The following RASGRF2 variants were observed in gnomAD, a reference collection of about 807,000 sequenced individuals.
The protein encoded by RASGRF2 is ras-specific guanine nucleotide-releasing factor 2.
Under a neutral mutation model 151.0 loss-of-function variants are expected in RASGRF2, and 76 were observed. The ratio of observed to expected loss-of-function variants is 0.50; its 90% CI spans 0.42 to 0.61. The LOEUF (loss-of-function observed/expected upper bound fraction) is 0.61, where lower values mean the gene tolerates loss of function less well. Among genes scored for constraint, RASGRF2 ranks in the 20% least tolerant of loss-of-function variants. The probability of loss-of-function intolerance (pLI) is 0.00; values close to 1 mark genes in which losing one functional copy is unlikely to be tolerated. For synonymous variants in RASGRF2, 504 were observed against 566.5 expected (o/e 0.89, Z 1.57); for missense variants, 1,148 against 1,564.6 (o/e 0.73, Z 4.49).
At chr5:81,010,044 T>G (rs958359233) in intron 1 of RASGRF2, among the ~76,000 whole-genome samples, 1 of 151,762 alleles carries the variant, frequency 6.6e-6, no homozygotes, top group Non-Finnish European at 1.5e-5. Flanking sequence ...TAGTTCCAGC[T>G]ACTCGGGAAG....
intron 25 of RASGRF2, 107 bp downstream of exon 25, chr5:81,217,580 T>C: frequency 1.1e-6 from 1 of 875,134 alleles, no homozygotes; most frequent in Non-Finnish European, 1.6e-6. Flanking sequence ...TCTTCTTTTT[T>C]TTTTTTTTTT....
At chr5:81,059,575 G>A (rs185938460) in intron 2 of RASGRF2, among the ~76,000 whole-genome samples, 110 of 149,924 alleles carry the variant, frequency 7.3e-4, no homozygotes, top group African/African-American at 2.6e-3. Context: ...GGCTGGGCGC[G>A]GTGGCTCACA....
intron 1 of RASGRF2, among the ~76,000 whole-genome samples, chr5:81,010,775 A>G (rs373550039): frequency 2.6e-5 from 4 of 152,176 alleles, no homozygotes; most frequent in East Asian, 3.8e-4. Flanking sequence ...AGTCACATTC[A>G]GGCAACATGG....
intron 1 of RASGRF2, among the ~76,000 whole-genome samples, chr5:80,971,979 C>G (rs1225910069): frequency 2.0e-5 from 3 of 151,498 alleles, no homozygotes; most frequent in Non-Finnish European, 4.4e-5. Context: ...AAGTGATCCT[C>G]CCACCTTGGC....
chr5:81,208,955 G>T (rs1755572694), intron 22 of RASGRF2, among the ~76,000 whole-genome samples: 2 of 152,098 alleles, frequency 1.3e-5, no homozygotes, highest in South Asian at 4.1e-4. Context: ...TGACATAAAA[G>T]GTTCACCTTT....
Position 81,153,651 on chromosome 5 carries a change from C to T in RASGRF2, c.2686+26488C>T, listed in dbSNP as rs1023075823. Among the ~76,000 whole-genome samples the T allele has an allele frequency of 2.0e-5, 3 of 152,084 alleles. No individual in the cohort carries two copies. In the East Asian group the frequency reaches 5.8e-4, roughly 29 times the overall value. ...TCATGGTAATTTGTTATAGCAGCAA[C>T]AGAAAACTAATATGGAATGAATAGA... On this transcript the variant is annotated intron_variant, in intron 17 of 26. Coordinates refer to ENST00000265080, the MANE Select transcript of RASGRF2 (RefSeq NM_006909.3).
chr5:80,989,291 T>A (rs1030638462), intron 1 of RASGRF2, among the ~76,000 whole-genome samples: 2 of 152,094 alleles, frequency 1.3e-5, no homozygotes, highest in South Asian at 2.1e-4. Context: ...TATTTTTTTT[T>A]AAAAGAAAGA....
At chr5:81,197,869 C>A (rs1755302282) in intron 18 of RASGRF2, among the ~76,000 whole-genome samples, 1 of 152,072 alleles carries the variant, frequency 6.6e-6, no homozygotes, top group African/African-American at 2.4e-5. Context: ...CTCTGAATAC[C>A]TAACAATTCC....
In RASGRF2 at chr5:81,039,523, A is replaced by G. The variant is rs378645; in HGVS notation, c.289-3354A>G. Among the ~76,000 whole-genome samples, 468 of 152,318 alleles carry G rather than the reference A, an allele frequency of 3.1e-3. 5 individuals carry two copies. The highest frequency in any genetic ancestry group is 8.6e-3 in the Admixed American group (132 of 15,300). ...AACATGTAAAGCAAAAACTGACAGAACAAATGGAAAAAAATGTAAAGTGCC... is the reference window on the plus strand; with the variant it reads ...AACATGTAAAGCAAAAACTGACAGAGCAAATGGAAAAAAATGTAAAGTGCC... On this transcript the variant is annotated intron_variant, in intron 1 of 26. Transcript: ENST00000265080.
At chr5:81,089,357 C>A (rs1026512559) in intron 9 of RASGRF2, among the ~76,000 whole-genome samples, 1 of 151,754 alleles carries the variant, frequency 6.6e-6, no homozygotes, top group Non-Finnish European at 1.5e-5. Flanking sequence ...TGTGTGCATG[C>A]GTGCATGTGT....
At chr5:81,055,619 T>C (rs1097847) in intron 2 of RASGRF2, among the ~76,000 whole-genome samples, 56,724 of 152,016 alleles carry the variant, frequency 0.37, 10,882 homozygotes, top group Middle Eastern at 0.62. Flanking sequence ...TGCCAGGCTT[T>C]GGTATCAGGA....
intron 1 of RASGRF2, among the ~76,000 whole-genome samples, chr5:80,969,432 C>CT (rs1747836350): frequency 1.3e-5 from 2 of 150,562 alleles, no homozygotes; most frequent in Admixed American, 6.6e-5. Flanking sequence ...CCACGACTGG[C>CT]CAGCACTCTT....
intron 23 of RASGRF2, among the ~76,000 whole-genome samples, chr5:81,215,195 C>T (rs957180652): frequency 4.6e-5 from 7 of 151,856 alleles, no homozygotes; most frequent in African/African-American, 9.7e-5. Context: ...AAAAGTTAGC[C>T]GCATGTGGTG....
intron 1 of RASGRF2, among the ~76,000 whole-genome samples, chr5:80,988,353 T>A (rs1269135232): frequency 6.6e-6 from 1 of 152,096 alleles, no homozygotes; most frequent in African/African-American, 2.4e-5. Flanking sequence ...ACCCGGCCTA[T>A]CATCTCTTTA....
At chr5:81,165,689 T>C (rs1420167908) in intron 17 of RASGRF2, among the ~76,000 whole-genome samples, 1 of 152,194 alleles carries the variant, frequency 6.6e-6, no homozygotes, top group Non-Finnish European at 1.5e-5. Flanking sequence ...CCTAACTATA[T>C]CAACAGCCCC....
intron 18 of RASGRF2, among the ~76,000 whole-genome samples, chr5:81,184,376 TGG>T (rs919201326): frequency 8.5e-5 from 13 of 152,198 alleles, no homozygotes; most frequent in African/African-American, 3.1e-4. Flanking sequence ...GACAGATGGA[TGG>T]GGGCTGGCTA....
chr5:81,120,861 A>G (rs1022995121), intron 15 of RASGRF2, among the ~76,000 whole-genome samples: 4 of 152,210 alleles, frequency 2.6e-5, no homozygotes, highest in African/African-American at 7.2e-5. Flanking sequence ...ACTGAGAACA[A>G]TTTATCCTGT....
At chr5:81,217,033 C>A in intron 24 of RASGRF2, 1 of 441,500 alleles carries the variant, frequency 2.3e-6, no homozygotes, top group Non-Finnish European at 4.5e-6. Context: ...TTCTACCCCT[C>A]AAAAAAGTGT....
chr5:81,104,238 G>A (rs1324439867), intron 12 of RASGRF2, among the ~76,000 whole-genome samples: 3 of 152,050 alleles, frequency 2.0e-5, no homozygotes, highest in Non-Finnish European at 4.4e-5. Context: ...TGGCTGGTAT[G>A]TGGATGGCTC....
Sources: allele counts gnomAD v4.1 joint callset (sites outside exome capture counted in the v4.1 genomes callset), GRCh38; gene constraint gnomAD v4.1.1; transcripts MANE v1.5; gene names NCBI Gene and HGNC (gene_info 2026-07-23, HGNC 2026-07-21).